The following PIGS variants were observed in gnomAD, a reference collection of about 807,000 sequenced individuals.
PIGS encodes GPI-anchor transamidase component PIGS.
In PIGS, 37 loss-of-function variants were observed where a neutral mutation model predicts 58.2. That is an observed-to-expected ratio of 0.64 (90% CI 0.49 to 0.84). The LOEUF (loss-of-function observed/expected upper bound fraction) is 0.84, where lower values mean the gene tolerates loss of function less well. PIGS is among the 40% of genes least tolerant of loss of function. The pLI is 0.00. For missense variants in PIGS, 629 were observed against 710.8 expected, an observed-to-expected ratio of 0.88 and a Z score of 1.31; for synonymous variants, 269 against 289.2, an observed-to-expected ratio of 0.93 and a Z score of 0.71.
In PIGS at chr17:28,568,472, C is replaced by G. The variant is rs191364651; in HGVS notation, c.286+2380G>C. ...ATATCTCTAGTAACTAGAACTGTAT[C>G]TGACATAGCTACAAAGTAAATACTT... is the stretch of plus-strand genomic sequence containing the variant. On this transcript the variant is annotated intron_variant, in intron 3 of 11. Coordinates refer to ENST00000308360, the MANE Select transcript of PIGS (RefSeq NM_033198.4). Among the ~76,000 whole-genome samples the G allele has an allele frequency of 7.2e-4, 110 of 152,332 alleles. 1 individual carries two copies. In the East Asian group the frequency reaches 0.017, roughly 24 times the overall value.
chr17:28,566,015 A>G (rs2070391874), intron 3 of PIGS, among the ~76,000 whole-genome samples: 1 of 152,144 alleles, frequency 6.6e-6, no homozygotes, highest in African/African-American at 2.4e-5. Context: ...TGGGTGACAG[A>G]GTGAGACTCT....
At position 28,571,477 on chromosome 17, in the gene PIGS, G is replaced by C; in HGVS notation, c.20C>G (p.Ala7Gly). Residue 7 changes from alanine (A) to glycine (G), a missense_variant, in exon 1 of 12, where the codon GCG (alanine) becomes GGG (glycine). By Grantham distance (60) the Ala-to-Gly change is moderately conservative (BLOSUM62 0). Transcript: ENST00000308360. MAAAGAAATHLEVARGK... is the reference protein window; with the variant it reads MAAAGAGATHLEVARGK... The stretch of plus-strand genomic sequence containing the variant: ...GCCCACCGCACCTAGGTGTGTAGCC[G>C]CAGCCCCGGCGGCCGCCATGCTAGC... 6.2e-7 allele frequency: 1 copy of C among 1,608,720 alleles called. No homozygotes were observed. The highest frequency in any genetic ancestry group is 8.5e-7 in the Non-Finnish European group (1 of 1,177,982).
chr17:28,568,639 C>T (rs2070407140), intron 3 of PIGS, among the ~76,000 whole-genome samples: 1 of 152,224 alleles, frequency 6.6e-6, no homozygotes, highest in African/African-American at 2.4e-5. Flanking sequence ...ATCCCAGATT[C>T]TATACTCTTG....
chr17:28,560,285 C>G, intron 6 of PIGS, 94 bp from the exon 7 acceptor site: 2 of 1,434,298 alleles, frequency 1.4e-6, no homozygotes, highest in Non-Finnish European at 1.9e-6. Flanking sequence ...TGTTTCTCCT[C>G]TGGAATGGGG....
At chr17:28,567,258 T>C (rs1184185293) in intron 3 of PIGS, among the ~76,000 whole-genome samples, 1 of 152,162 alleles carries the variant, frequency 6.6e-6, no homozygotes, top group African/African-American at 2.4e-5. Context: ...CCACCTACAA[T>C]GTATTCTCAT....
rs149594485 is a variant in PIGS, at chr17:28,554,272, T to G, written c.1616A>C (p.Lys539Thr). 2 of 1,614,190 alleles carry G rather than the reference T, an allele frequency of 1.2e-6. No homozygotes were observed. Among genetic ancestry groups the G allele is most frequent in the Middle Eastern group, 1.6e-4 (1 of 6,062 alleles). Residue 539 changes from lysine to threonine, a missense_variant, in exon 12 of 12, where the codon AAG becomes ACG. By Grantham distance (78) the Lys-to-Thr change is moderately conservative. Coordinates refer to ENST00000308360, the MANE Select transcript of PIGS (RefSeq NM_033198.4). Reference protein sequence around the residue: ...MAVPILLSLVKIFLETRKSWR... With the variant: ...MAVPILLSLVTIFLETRKSWR... ...GGACTTGCGGGTCTCCAGGAAGATC[T>G]TGACCAGGGACAGGAGGATGGGCAC...
At chr17:28,554,623 TC>T in intron 11 of PIGS, 128 bp from the exon 12 acceptor site, 1 of 1,298,968 alleles carries the variant, frequency 7.7e-7, no homozygotes, top group Non-Finnish European at 1.1e-6. Flanking sequence ...TCTATGGAAG[TC>T]TTTCTACAGG....
At position 28,554,430 on chromosome 17, in the gene PIGS, A is replaced by G. The variant is rs751594582; in HGVS notation, c.1458T>C (p.Ser486=). The stretch of plus-strand genomic sequence containing the variant: ...CAGCTTCCTGGCTGGCGACAAAGGC[A>G]GATGCCAGGTGCCCAGACGCCAACT... ...AEELASGHLA[S]AFVASQEAVT... The change falls in exon 12 of 12, where the codon TCT becomes TCC. Residue 486 remains serine (S), a synonymous_variant. Transcript: ENST00000308360. 7 of 1,614,122 alleles carry G rather than the reference A, an allele frequency of 4.3e-6. No homozygotes were observed. The African/African-American group carries it at 8.0e-5, about 18-fold the overall frequency.
At chr17:28,564,694 A>C (rs1427489619) in intron 3 of PIGS, among the ~76,000 whole-genome samples, 1 of 151,520 alleles carries the variant, frequency 6.6e-6, no homozygotes, top group Non-Finnish European at 1.5e-5. Context: ...CAGCCTGGGC[A>C]ACAAGAGCGA....
intron 3 of PIGS, among the ~76,000 whole-genome samples, chr17:28,570,470 C>G (rs553453744): frequency 1.1e-4 from 17 of 152,342 alleles, no homozygotes; most frequent in Admixed American, 3.3e-4. Flanking sequence ...AAGATGGCGC[C>G]ACTGCACTCC....
chr17:28,558,305 CAAAAAAAGA>C (rs2070343040), intron 8 of PIGS, among the ~76,000 whole-genome samples, 162 bp downstream of exon 8: 2 of 151,662 alleles, frequency 1.3e-5, no homozygotes, highest in East Asian at 3.9e-4. Flanking sequence ...GGCCTTGTCT[CAAAAAAAGA>C]AAAAAAGGAG....
chr17:28,554,707 C>A, intron 11 of PIGS, 144 bp downstream of exon 11: 3 of 1,243,950 alleles, frequency 2.4e-6, no homozygotes, highest in Admixed American at 1.9e-5. Context: ...GGGGCTGGTA[C>A]TGCCGTCTAG....
chr17:28,553,639 G>GACACAC lies in PIGS; in HGVS notation c.*575_*580dup, dbSNP rs371988281. On this transcript the variant is annotated 3_prime_UTR_variant, in exon 12 of 12. Transcript: ENST00000308360. ...AAATCTGGAACTTTCTGGAACCTCT[G>GACACAC]ACACACACACACACACACACACACA... 19,166 of 144,404 alleles carry GACACAC rather than the reference G, an allele frequency of 0.13. 1,384 individuals are homozygous for GACACAC. The highest frequency in any genetic ancestry group is 0.22 in the Middle Eastern group (63 of 288). 8.9% of individuals were successfully genotyped at this position (144,404 alleles called of 1,614,324 possible). A position where few individuals can be genotyped will look rare whatever the true frequency, so the allele number is the denominator to read the frequency against.
intron 1 of PIGS, 101 bp downstream of exon 1, chr17:28,571,361 GC>G (rs2070428508): frequency 6.5e-7 from 1 of 1,541,780 alleles, no homozygotes; most frequent in Middle Eastern, 1.7e-4. Context: ...AGACCCCCGA[GC>G]CCCCCGTCCG....
chr17:28,561,348 T>C, intron 6 of PIGS, 74 bp downstream of exon 6: 2 of 1,358,732 alleles, frequency 1.5e-6, no homozygotes, highest in Non-Finnish European at 1.0e-6. Flanking sequence ...AGAAAGAAGT[T>C]GGCATGCAGA....
At chr17:28,568,263 C>T (rs1394005514) in intron 3 of PIGS, among the ~76,000 whole-genome samples, 2 of 151,986 alleles carry the variant, frequency 1.3e-5, no homozygotes, top group African/African-American at 2.4e-5. Context: ...CCACCACGCC[C>T]GGCTAATTTT....
At chr17:28,567,390 T>C (rs1044314485) in intron 3 of PIGS, among the ~76,000 whole-genome samples, 5 of 150,902 alleles carry the variant, frequency 3.3e-5, no homozygotes, top group African/African-American at 1.2e-4. Flanking sequence ...AAATCCCAAA[T>C]GTGAGATGTT....
Position 28,561,392 on chromosome 17 carries a change from C to T in PIGS, c.676+30G>A, listed in dbSNP as rs766988424. ...CTGCCCCATGTAATTCATTTCCTCTCCCTTCATGTGGCAGAGCCTGGTGCC... is the reference window on the plus strand; with the variant it reads ...CTGCCCCATGTAATTCATTTCCTCTTCCTTCATGTGGCAGAGCCTGGTGCC... On this transcript the variant is annotated intron_variant, in intron 6 of 11. Coordinates refer to ENST00000308360, the MANE Select transcript of PIGS (RefSeq NM_033198.4). 16 of 1,609,804 alleles carry T rather than the reference C, an allele frequency of 9.9e-6. No homozygotes were observed. In the African/African-American group the frequency reaches 2.0e-4, roughly 20 times the overall value.
rs771605580 is a variant in PIGS at position 28,554,384 on chromosome 17, A to C, written c.1504T>G (p.Phe502Val). 1.2e-6 allele frequency: 2 copies of C among 1,614,200 alleles called. No homozygotes were observed. Among genetic ancestry groups the C allele is most frequent in the Non-Finnish European group, 1.7e-6 (2 of 1,180,034 alleles). Residue 502 changes from phenylalanine (F) to valine (V), a missense_variant, in exon 12 of 12, where the codon TTC (phenylalanine) becomes GTC (valine). By Grantham distance (50) the Phe-to-Val change is conservative. Transcript: ENST00000308360. Reference protein sequence around the residue: ...QEAVTSSELAFFDPSLLHLLY... With the variant: ...QEAVTSSELAVFDPSLLHLLY... ...AGGTGGAGGAGTGACGGGTCAAAGA[A>C]GGCAAGCTCAGAGGATGTCACAGCT... is the stretch of plus-strand genomic sequence containing the variant.
Sources: gnomAD v4.1 joint callset for allele counts (sites outside exome capture counted in the v4.1 genomes callset) on GRCh38, gnomAD v4.1.1 for gene constraint, MANE v1.5 for transcripts, NCBI Gene and HGNC (gene_info 2026-07-23, HGNC 2026-07-21) for gene names.